The following AUTS2 variants were observed in gnomAD, a reference collection of about 807,000 sequenced individuals.
AUTS2 encodes activator of transcription and developmental regulator AUTS2, also known as autism susceptibility gene 2 protein.
Under a neutral mutation model 112.4 loss-of-function variants are expected in AUTS2, and 17 were observed. That is an observed-to-expected ratio of 0.15 (90% CI 0.10 to 0.23). The LOEUF (loss-of-function observed/expected upper bound fraction) is 0.23, where lower values mean the gene tolerates loss of function less well. Among genes scored for constraint, AUTS2 ranks in the 10% least tolerant of loss-of-function variants. The pLI is 1.00. For missense variants in AUTS2, 1,510 were observed against 1,701.6 expected (o/e 0.89, Z 1.98); for synonymous variants, 751 against 702.7 (o/e 1.07, Z -1.09).
intron 1 of AUTS2, among the ~76,000 whole-genome samples, chr7:69,807,837 C>G (rs578092380): frequency 1.3e-5 from 2 of 152,148 alleles, no homozygotes; most frequent in East Asian, 3.9e-4. Context: ...GAAAAATGAC[C>G]TAATCTTGCA....
At chr7:70,697,500 G>T (rs1161897609) in intron 5 of AUTS2, among the ~76,000 whole-genome samples, 2 of 151,368 alleles carry the variant, frequency 1.3e-5, no homozygotes, top group Admixed American at 1.3e-4. Flanking sequence ...AGACTAAATT[G>T]AATATCCTCT....
At chr7:70,051,593 C>T (rs1484220808) in intron 2 of AUTS2, among the ~76,000 whole-genome samples, 1 of 151,980 alleles carries the variant, frequency 6.6e-6, no homozygotes. Flanking sequence ...GTGGTGGGCA[C>T]CTGTAATCCC....
chr7:70,117,532 GA>G (rs961541588), intron 2 of AUTS2, among the ~76,000 whole-genome samples: 4 of 152,032 alleles, frequency 2.6e-5, no homozygotes, highest in Non-Finnish European at 4.4e-5. Context: ...TGGAACAGAA[GA>G]AAAAATTTGA....
At chr7:70,154,266 G>GT (rs1257434112) in intron 4 of AUTS2, among the ~76,000 whole-genome samples, 3 of 152,178 alleles carry the variant, frequency 2.0e-5, no homozygotes, top group Non-Finnish European at 4.4e-5. Context: ...ATTTCTGTAG[G>GT]TTTTGGGGGC....
chr7:70,162,138 C>A (rs1808107084), intron 4 of AUTS2, among the ~76,000 whole-genome samples: 1 of 151,958 alleles, frequency 6.6e-6, no homozygotes, highest in South Asian at 2.1e-4. Flanking sequence ...ATTTCCTATT[C>A]TGGATAGATT....
At chr7:70,087,216 A>G (rs1341121796) in intron 2 of AUTS2, among the ~76,000 whole-genome samples, 1 of 151,884 alleles carries the variant, frequency 6.6e-6, no homozygotes, top group African/African-American at 2.4e-5. Context: ...TTATTAATCC[A>G]TTGAAATACT....
intron 4 of AUTS2, among the ~76,000 whole-genome samples, chr7:70,246,226 T>C (rs1352339408): frequency 6.6e-6 from 1 of 152,148 alleles, no homozygotes. Flanking sequence ...ATCAAACTTT[T>C]CCTGTATAGT....
At chr7:70,061,210 C>G in intron 2 of AUTS2, among the ~76,000 whole-genome samples, 1 of 152,062 alleles carries the variant, frequency 6.6e-6, no homozygotes, top group East Asian at 1.9e-4. Flanking sequence ...GAAATGGAGA[C>G]AGTACTTTCT....
chr7:69,899,169 T>G, intron 1 of AUTS2, 117 bp from the exon 2 acceptor site: 1 of 734,084 alleles, frequency 1.4e-6, no homozygotes, highest in Non-Finnish European at 2.3e-6. Flanking sequence ...CATATCCCAC[T>G]TTCCTATCCC....
intron 1 of AUTS2, among the ~76,000 whole-genome samples, chr7:69,813,101 C>T (rs79088452): frequency 0.021 from 3,243 of 152,282 alleles, 37 homozygotes; most frequent in Middle Eastern, 0.034. Flanking sequence ...ATCTCTCACC[C>T]CATCTCCTAC....
Position 70,771,535 on chromosome 7 carries a change from G to A in AUTS2, c.1735-14G>A, listed in dbSNP as rs766875338. Reference sequence around the variant, plus strand: ...ACTAAAATCTTTTTTCCCCCTCTCCGTCTTTGGCCACAGCTCTTCCATTCC... The same window carrying A: ...ACTAAAATCTTTTTTCCCCCTCTCCATCTTTGGCCACAGCTCTTCCATTCC... On this transcript the variant is annotated splice_polypyrimidine_tract_variant and intron_variant, in intron 10 of 18. Transcript: ENST00000342771. 25 of 1,595,986 alleles carry A rather than the reference G, an allele frequency of 1.6e-5. No individual in the cohort carries two copies. Among genetic ancestry groups the A allele is most frequent in the Admixed American group, 1.2e-4 (7 of 58,852 alleles).
chr7:70,075,807 G>T (rs1043905215), intron 2 of AUTS2, among the ~76,000 whole-genome samples: 1 of 152,192 alleles, frequency 6.6e-6, no homozygotes, highest in Non-Finnish European at 1.5e-5. Flanking sequence ...TTTAATAAAA[G>T]AAGTAGTCAT....
At chr7:69,662,895 A>G (rs1159649871) in intron 1 of AUTS2, among the ~76,000 whole-genome samples, 1 of 152,202 alleles carries the variant, frequency 6.6e-6, no homozygotes, top group African/African-American at 2.4e-5. Flanking sequence ...TTGAAAATGT[A>G]TTTGTGATCA....
chr7:70,479,930 T>A (rs1425010088), intron 5 of AUTS2, among the ~76,000 whole-genome samples: 3 of 152,212 alleles, frequency 2.0e-5, no homozygotes, highest in Non-Finnish European at 2.9e-5. Flanking sequence ...TAAATAATAA[T>A]AGCTTACATT....
intron 2 of AUTS2, among the ~76,000 whole-genome samples, chr7:69,951,521 A>G (rs1368765765): frequency 6.6e-6 from 1 of 152,210 alleles, no homozygotes; most frequent in Non-Finnish European, 1.5e-5. Context: ...GAGATAGTGG[A>G]CAGAAGCCAT....
intron 4 of AUTS2, among the ~76,000 whole-genome samples, chr7:70,139,110 G>A (rs1435795865): frequency 6.6e-6 from 1 of 152,116 alleles, no homozygotes; most frequent in African/African-American, 2.4e-5. Context: ...GGGAGTAAAT[G>A]TGCATGCCAC....
At chr7:70,515,909 T>C (rs1245793002) in intron 5 of AUTS2, among the ~76,000 whole-genome samples, 1 of 152,184 alleles carries the variant, frequency 6.6e-6, no homozygotes, top group Non-Finnish European at 1.5e-5. Context: ...AAAACAGCAT[T>C]ATAAATTAGT....
chr7:69,729,410 TCCCCCAACACCCCCC>T (rs1786677068), intron 1 of AUTS2, among the ~76,000 whole-genome samples: 1 of 113,188 alleles, frequency 8.8e-6, no homozygotes, highest in Non-Finnish European at 1.8e-5. Flanking sequence ...GTTTTAAATG[TCCCCCAACACCCCCC>T]CCCCCATTTT....
chr7:69,904,647 C>T (rs964994356), intron 2 of AUTS2, among the ~76,000 whole-genome samples: 1 of 152,204 alleles, frequency 6.6e-6, no homozygotes, highest in South Asian at 2.1e-4. Context: ...GTTTCTACCT[C>T]ATACTTCAAA....
Sources: allele counts gnomAD v4.1 joint callset (sites outside exome capture counted in the v4.1 genomes callset), GRCh38; gene constraint gnomAD v4.1.1; transcripts MANE v1.5; gene names NCBI Gene and HGNC (gene_info 2026-07-23, HGNC 2026-07-21).